ZMAT4: variants seen among roughly 807,000 people sequenced by gnomAD.
ZMAT4 encodes the protein zinc finger matrin-type protein 4.
In ZMAT4, 17 loss-of-function variants were observed where a neutral mutation model predicts 28.7. The ratio of observed to expected loss-of-function variants is 0.59; its 90% CI spans 0.41 to 0.89. The LOEUF is 0.89. ZMAT4 is among the 40% of genes least tolerant of loss of function. The probability of loss-of-function intolerance (pLI) is 0.00; values close to 1 mark genes in which losing one functional copy is unlikely to be tolerated. For missense variants in ZMAT4, 240 were observed against 283.8 expected (o/e 0.85, Z 1.11); for synonymous variants, 117 against 109.2 (o/e 1.07, Z -0.44).
At chr8:40,538,104 T>C (rs1191530556) in intron 6 of ZMAT4, among the ~76,000 whole-genome samples, 1 of 152,156 alleles carries the variant, frequency 6.6e-6, no homozygotes, top group East Asian at 1.9e-4. Flanking sequence ...CTTGCCTCAT[T>C]ATACCTCTCC....
At chr8:40,800,771 C>T (rs1397006502) in intron 2 of ZMAT4, among the ~76,000 whole-genome samples, 1 of 151,930 alleles carries the variant, frequency 6.6e-6, no homozygotes, top group Non-Finnish European at 1.5e-5. Context: ...AAATTCATGG[C>T]ATTGAATGCA....
chr8:40,872,059 A>G (rs1029244421), intron 1 of ZMAT4, among the ~76,000 whole-genome samples: 2 of 152,224 alleles, frequency 1.3e-5, no homozygotes, highest in African/African-American at 2.4e-5. Context: ...AGCTGCAGCC[A>G]TCAGCCACAG....
chr8:40,661,971 T>C (rs889543171), intron 5 of ZMAT4, among the ~76,000 whole-genome samples: 1 of 147,478 alleles, frequency 6.8e-6, no homozygotes, highest in African/African-American at 2.7e-5. Flanking sequence ...AACAGGTTAA[T>C]TTTTTTGTTT....
chr8:40,894,093 T>C (rs1818787964), intron 1 of ZMAT4, among the ~76,000 whole-genome samples: 1 of 152,254 alleles, frequency 6.6e-6, no homozygotes. Context: ...CATGCTAATG[T>C]TTCCAAGGTC....
At chr8:40,852,311 A>G (rs1057323224) in intron 1 of ZMAT4, among the ~76,000 whole-genome samples, 2 of 152,236 alleles carry the variant, frequency 1.3e-5, no homozygotes, top group Non-Finnish European at 2.9e-5. Flanking sequence ...TTTAAATATA[A>G]AATTATTTTA....
chr8:40,616,395 C>T (rs1321486585), intron 5 of ZMAT4, among the ~76,000 whole-genome samples: 1 of 152,106 alleles, frequency 6.6e-6, no homozygotes, highest in African/African-American at 2.4e-5. Context: ...GGTATATACG[C>T]AAAGGATTAT....
intron 6 of ZMAT4, among the ~76,000 whole-genome samples, chr8:40,578,593 C>T (rs895179636): frequency 3.3e-5 from 5 of 152,144 alleles, no homozygotes; most frequent in Non-Finnish European, 4.4e-5. Context: ...ATCATTTATT[C>T]TCTCTCTCCT....
At chr8:40,819,437 G>C (rs1193561106) in intron 2 of ZMAT4, among the ~76,000 whole-genome samples, 1 of 151,956 alleles carries the variant, frequency 6.6e-6, no homozygotes, top group African/African-American at 2.4e-5. Context: ...CATCAAAATT[G>C]TCCCACCCCT....
At chr8:40,845,366 C>T (rs1453188835) in intron 1 of ZMAT4, among the ~76,000 whole-genome samples, 1 of 152,146 alleles carries the variant, frequency 6.6e-6, no homozygotes, top group Non-Finnish European at 1.5e-5. Flanking sequence ...CTGTTGATTG[C>T]CCACAGAAGA....
chr8:40,542,958 C>A (rs956710113), intron 6 of ZMAT4, among the ~76,000 whole-genome samples: 1 of 152,222 alleles, frequency 6.6e-6, no homozygotes, highest in African/African-American at 2.4e-5. Flanking sequence ...GCCTGGCCAA[C>A]GTCATTGCAG....
intron 3 of ZMAT4, among the ~76,000 whole-genome samples, chr8:40,716,177 G>A (rs1810846208): frequency 6.6e-6 from 1 of 152,200 alleles, no homozygotes. Context: ...ACGCAGAAAA[G>A]AAAGTCTGGA....
rs538261744 is a variant in ZMAT4, at chr8:40,542,307, G to A, written c.675-10069C>T. On this transcript the variant is annotated intron_variant, in intron 6 of 6. Transcript: ENST00000297737. Reference sequence around the variant, plus strand: ...GTGTGGGCCACCGAGGGGTCAGGGAGGACCCTGGCTGGCCTATGAGCGGTA... The same window carrying A: ...GTGTGGGCCACCGAGGGGTCAGGGAAGACCCTGGCTGGCCTATGAGCGGTA... Among the ~76,000 whole-genome samples, 28 of 152,260 alleles carry A rather than the reference G, an allele frequency of 1.8e-4. No homozygotes were observed. The South Asian group carries it at 5.6e-3, about 30-fold the overall frequency.
chr8:40,821,522 G>A (rs562293351), intron 2 of ZMAT4, among the ~76,000 whole-genome samples: 3 of 152,200 alleles, frequency 2.0e-5, no homozygotes, highest in South Asian at 2.1e-4. Flanking sequence ...TTAAAGCATA[G>A]CATGTAAAGG....
intron 5 of ZMAT4, among the ~76,000 whole-genome samples, chr8:40,661,111 GT>G (rs1808174122): frequency 6.6e-6 from 1 of 151,990 alleles, no homozygotes; most frequent in Non-Finnish European, 1.5e-5. Flanking sequence ...CTGGCTTTTT[GT>G]TTTTTTGATA....
At chr8:40,636,340 A>T (rs1806791175) in intron 5 of ZMAT4, among the ~76,000 whole-genome samples, 1 of 152,230 alleles carries the variant, frequency 6.6e-6, no homozygotes, top group Non-Finnish European at 1.5e-5. Context: ...AAAAGCTTTC[A>T]GTTTGGAAAA....
intron 5 of ZMAT4, among the ~76,000 whole-genome samples, chr8:40,613,180 C>CTTTCTTTTTTTTTTTTTTTT (rs71224837): frequency 7.5e-5 from 6 of 79,968 alleles, no homozygotes; most frequent in Admixed American, 4.0e-4. Context: ...TACTTTCTTT[C>CTTTCTTTTTTTTTTTTTTTT]TTTTTTTTTT....
intron 3 of ZMAT4, among the ~76,000 whole-genome samples, chr8:40,705,732 C>T (rs1194695782): frequency 1.3e-5 from 2 of 152,104 alleles, no homozygotes; most frequent in Non-Finnish European, 2.9e-5. Flanking sequence ...GTGGCAAGAG[C>T]ACTTAACACC....
In ZMAT4 at chr8:40,742,800, C is replaced by T. The variant is rs910647572; in HGVS notation, c.192+24841G>A. ...ACACACACACACACACACAAACAGC[C>T]GTCTCAAAGTTAGAAGACAATTTCA... is the stretch of plus-strand genomic sequence containing the variant. On this transcript the variant is annotated intron_variant, in intron 3 of 6. Coordinates refer to ENST00000297737, the MANE Select transcript of ZMAT4 (RefSeq NM_024645.3). Among the ~76,000 whole-genome samples the T allele has an allele frequency of 2.6e-5, 4 of 151,460 alleles. No homozygotes were observed. The South Asian group carries it at 6.3e-4, about 24-fold the overall frequency.
intron 1 of ZMAT4, among the ~76,000 whole-genome samples, chr8:40,893,692 G>A (rs958946694): frequency 6.6e-6 from 1 of 152,136 alleles, no homozygotes; most frequent in African/African-American, 2.4e-5. Flanking sequence ...ACGTCCGGGG[G>A]TACATGTGCA....
Sources: allele counts gnomAD v4.1 joint callset (sites outside exome capture counted in the v4.1 genomes callset), GRCh38; gene constraint gnomAD v4.1.1; transcripts MANE v1.5; gene names NCBI Gene and HGNC (gene_info 2026-07-23, HGNC 2026-07-21).